The following LARGE1 variants were observed in gnomAD, a reference collection of about 807,000 sequenced individuals.
LARGE1 encodes the protein xylosyl- and glucuronyltransferase LARGE1.
In LARGE1, 43 loss-of-function variants were observed where a neutral mutation model predicts 87.6. The observed-to-expected ratio is 0.49, with a 90% confidence interval of 0.38 to 0.63. LARGE1 has a LOEUF of 0.63. Among genes scored for constraint, LARGE1 ranks in the 30% least tolerant of loss-of-function variants. The pLI is 0.00. For missense variants in LARGE1, 802 were observed against 1,000.2 expected, an observed-to-expected ratio of 0.80 and a Z score of 2.67; for synonymous variants, 434 against 394.6, an observed-to-expected ratio of 1.10 and a Z score of -1.18.
At chr22:33,605,034 GA>G (rs916758769) in intron 4 of LARGE1, among the ~76,000 whole-genome samples, 1 of 151,292 alleles carries the variant, frequency 6.6e-6, no homozygotes, top group African/African-American at 2.4e-5. Context: ...CTCTCCAAAA[GA>G]AAACCAGGCT....
chr22:33,608,742 G>C (rs183198116), intron 4 of LARGE1, among the ~76,000 whole-genome samples: 1 of 152,178 alleles, frequency 6.6e-6, no homozygotes, highest in African/African-American at 2.4e-5. Context: ...AGAGTTCGGA[G>C]TTTGGACTAT....
At chr22:33,792,756 C>A (rs2085862741) in intron 1 of LARGE1, among the ~76,000 whole-genome samples, 1 of 152,156 alleles carries the variant, frequency 6.6e-6, no homozygotes, top group Non-Finnish European at 1.5e-5. Flanking sequence ...GTTCCCAAGC[C>A]CTCACCTAGT....
At chr22:33,464,882 T>C (rs971453518) in intron 6 of LARGE1, among the ~76,000 whole-genome samples, 1 of 113,282 alleles carries the variant, frequency 8.8e-6, no homozygotes, top group Non-Finnish European at 1.7e-5. Context: ...TGCACACACA[T>C]GCACACACAT....
In LARGE1 at chr22:33,286,584, A is replaced by G. The variant is rs1602245082; in HGVS notation, c.1731-3236T>C. 2.0e-5 allele frequency among the ~76,000 whole-genome samples: 3 copies of G among 152,198 alleles called. No homozygotes were observed. In the South Asian group the frequency reaches 6.2e-4, roughly 32 times the overall value. Reference sequence around the variant, plus strand: ...CTTACATTCATATAAACGTCTCGAGATGCTAGAAGCCTAAGGACAAATCTC... The same window carrying G: ...CTTACATTCATATAAACGTCTCGAGGTGCTAGAAGCCTAAGGACAAATCTC... On this transcript the variant is annotated intron_variant, in intron 12 of 14. Coordinates refer to ENST00000397394, the MANE Select transcript of LARGE1 (RefSeq NM_133642.5).
At chr22:33,748,165 G>A (rs2145605102) in intron 2 of LARGE1, among the ~76,000 whole-genome samples, 1 of 139,148 alleles carries the variant, frequency 7.2e-6, no homozygotes, top group South Asian at 2.2e-4. Context: ...CAGAGTCTCA[G>A]TCTGTCGCCA....
intron 6 of LARGE1, among the ~76,000 whole-genome samples, chr22:33,560,063 G>C (rs955021832): frequency 1.3e-5 from 2 of 152,156 alleles, no homozygotes; most frequent in East Asian, 1.9e-4. Flanking sequence ...AGGGTGCAGA[G>C]TAAAGAGGAC....
chr22:33,142,867 C>T, the LARGE1 span, among the ~76,000 whole-genome samples: 1 of 152,038 alleles, frequency 6.6e-6, no homozygotes, highest in Admixed American at 6.6e-5. Flanking sequence ...GTGAGGATGT[C>T]AGTAGAAGGA....
intron 6 of LARGE1, among the ~76,000 whole-genome samples, chr22:33,463,322 TA>T (rs1193297308): frequency 1.3e-5 from 2 of 152,106 alleles, no homozygotes; most frequent in African/African-American, 4.8e-5. Context: ...GATGAATTTG[TA>T]TTCAAAATAG....
intron 2 of LARGE1, among the ~76,000 whole-genome samples, chr22:33,757,997 T>C (rs531031560): frequency 6.6e-6 from 1 of 152,280 alleles, no homozygotes; most frequent in African/African-American, 2.4e-5. Context: ...CCTGTCTCGC[T>C]CAGCTCCCTC....
chr22:33,619,341 A>G (rs940374011), intron 4 of LARGE1, among the ~76,000 whole-genome samples: 6 of 152,046 alleles, frequency 3.9e-5, no homozygotes, highest in African/African-American at 1.4e-4. Flanking sequence ...GATCACTTGA[A>G]GTCAGGAGTT....
chr22:33,460,700 A>G (rs1413377228), intron 6 of LARGE1, among the ~76,000 whole-genome samples: 1 of 152,168 alleles, frequency 6.6e-6, no homozygotes, highest in Admixed American at 6.5e-5. Context: ...TGGGGCAAAC[A>G]CAGGAAAATG....
intron 6 of LARGE1, among the ~76,000 whole-genome samples, chr22:33,461,163 A>T (rs2068365783): frequency 6.6e-6 from 1 of 152,220 alleles, no homozygotes; most frequent in Non-Finnish European, 1.5e-5. Context: ...AAGAAATAAT[A>T]GGAAGTAGGT....
chr22:33,761,169 T>G (rs1167227129), intron 2 of LARGE1, among the ~76,000 whole-genome samples: 1 of 152,030 alleles, frequency 6.6e-6, no homozygotes, highest in Non-Finnish European at 1.5e-5. Flanking sequence ...CATCAAGGTA[T>G]GCCTTATTTT....
At chr22:33,184,157 A>C (rs1923350223) in intron 11 of LARGE1, among the ~76,000 whole-genome samples, 2 of 142,698 alleles carry the variant, frequency 1.4e-5, no homozygotes, top group Non-Finnish European at 3.1e-5. Flanking sequence ...GGTCAATTAA[A>C]TATTTTAAAA....
At chr22:33,080,633 C>G in the LARGE1 span, among the ~76,000 whole-genome samples, 1 of 152,314 alleles carries the variant, frequency 6.6e-6, no homozygotes, top group Admixed American at 6.5e-5. Context: ...TACTGGTGAA[C>G]AGCTCTAATG....
Position 33,316,656 on chromosome 22 carries a change from G to A in LARGE1, c.1288-408C>T, listed in dbSNP as rs574694579. ...GGAGGCTGAGGTGGGAGAATCACCT[G>A]AGCCCGGGACATGGAGGCTGCAGTG... On this transcript the variant is annotated intron_variant, in intron 10 of 14. Transcript: ENST00000397394. Among the ~76,000 whole-genome samples, 655 of 152,232 alleles carry A rather than the reference G, an allele frequency of 4.3e-3. 5 individuals carry two copies. The highest frequency in any genetic ancestry group is 0.015 in the African/African-American group (630 of 41,538).
intron 12 of LARGE1, among the ~76,000 whole-genome samples, chr22:33,290,738 A>T (rs1316163922): frequency 6.6e-6 from 1 of 152,110 alleles, no homozygotes; most frequent in East Asian, 1.9e-4. Flanking sequence ...GGCCATGGCC[A>T]TTTAGAAGTT....
chr22:33,556,149 C>T (rs56033146), intron 6 of LARGE1, among the ~76,000 whole-genome samples: 7,612 of 151,988 alleles, frequency 0.05, 314 homozygotes, highest in African/African-American at 0.12. Context: ...CGACCTCACC[C>T]TGACTTTTCC....
intron 4 of LARGE1, among the ~76,000 whole-genome samples, chr22:33,613,540 T>C (rs575107997): frequency 2.6e-5 from 4 of 152,288 alleles, no homozygotes; most frequent in African/African-American, 7.2e-5. Flanking sequence ...TTGCCCAGGC[T>C]GGAGTGCAAT....
Sources: gnomAD v4.1 joint callset for allele counts (sites outside exome capture counted in the v4.1 genomes callset) on GRCh38, gnomAD v4.1.1 for gene constraint, MANE v1.5 for transcripts, NCBI Gene and HGNC (gene_info 2026-07-23, HGNC 2026-07-21) for gene names.